Variants in FBXW7 observed in about 807,000 individuals in gnomAD.
FBXW7 encodes the protein F-box and WD repeat domain containing 7.
Under a neutral mutation model 86.3 loss-of-function variants are expected in FBXW7, and 11 were observed. That is an observed-to-expected ratio of 0.13 (90% CI 0.08 to 0.21). The LOEUF (loss-of-function observed/expected upper bound fraction) is 0.21, where lower values mean the gene tolerates loss of function less well. Ranked by LOEUF, FBXW7 falls within the 10% of genes least tolerant of loss-of-function variation. The pLI is 1.00. For missense variants in FBXW7, 488 were observed against 847.4 expected (o/e 0.58, Z 5.27); for synonymous variants, 313 against 297.9 (o/e 1.05, Z -0.52).
chr4:152,507,166 A>T (rs760590889), intron 2 of FBXW7, among the ~76,000 whole-genome samples: 1 of 152,226 alleles, frequency 6.6e-6, no homozygotes, highest in Non-Finnish European at 1.5e-5. Flanking sequence ...GACACTGAAA[A>T]GCCTAATCAA....
chr4:152,514,649 T>C (rs1268084514), intron 2 of FBXW7, among the ~76,000 whole-genome samples: 1 of 152,100 alleles, frequency 6.6e-6, no homozygotes, highest in Non-Finnish European at 1.5e-5. Context: ...TGAGAACTGA[T>C]AAAAAGAGCT....
intron 4 of FBXW7, among the ~76,000 whole-genome samples, chr4:152,383,300 C>T (rs947446022): frequency 3.9e-5 from 6 of 152,056 alleles, no homozygotes; most frequent in African/African-American, 1.4e-4. Flanking sequence ...CTTCCTAAAA[C>T]ACAGAGAGGG....
At chr4:152,340,706 A>G (rs1319017654) in intron 6 of FBXW7, among the ~76,000 whole-genome samples, 2 of 152,114 alleles carry the variant, frequency 1.3e-5, no homozygotes, top group Non-Finnish European at 2.9e-5. Flanking sequence ...TGGTGATTCT[A>G]AACAAAGATC....
intron 2 of FBXW7, among the ~76,000 whole-genome samples, chr4:152,429,966 TTTGTTG>T (rs138677761): frequency 6.8e-4 from 103 of 152,220 alleles, no homozygotes; most frequent in African/African-American, 2.2e-3. Flanking sequence ...ATTTTATGGC[TTTGTTG>T]TTGTTGTTGT....
chr4:152,486,546 C>A (rs915829532), intron 2 of FBXW7, among the ~76,000 whole-genome samples: 13 of 152,122 alleles, frequency 8.5e-5, no homozygotes, highest in African/African-American at 2.9e-4. Flanking sequence ...TACACAGGGT[C>A]AGGATCATCA....
At chr4:152,528,432 G>A (rs1287083256) in intron 2 of FBXW7, among the ~76,000 whole-genome samples, 1 of 152,152 alleles carries the variant, frequency 6.6e-6, no homozygotes, top group Non-Finnish European at 1.5e-5. Context: ...AATACAAGAC[G>A]AACACTGGCT....
chr4:152,430,121 GA>G (rs2126945723), intron 2 of FBXW7, among the ~76,000 whole-genome samples: 1 of 152,288 alleles, frequency 6.6e-6, no homozygotes, highest in African/African-American at 2.4e-5. Flanking sequence ...CAACAAATCT[GA>G]AATCAGTGCT....
chr4:152,463,550 A>G (rs918198699), intron 2 of FBXW7, among the ~76,000 whole-genome samples: 2 of 152,214 alleles, frequency 1.3e-5, no homozygotes, highest in African/African-American at 4.8e-5. Context: ...ATAGGTGGAC[A>G]GTTAAAACCA....
intron 2 of FBXW7, among the ~76,000 whole-genome samples, chr4:152,477,402 T>C (rs75409796): frequency 0.014 from 2,080 of 152,262 alleles, 26 homozygotes; most frequent in Middle Eastern, 0.037. Flanking sequence ...CCTCATTGAA[T>C]ACGTATTTTA....
chr4:152,371,854 T>A (rs1734033492), intron 4 of FBXW7, among the ~76,000 whole-genome samples: 1 of 152,016 alleles, frequency 6.6e-6, no homozygotes. Flanking sequence ...TATGTGACCA[T>A]GAAATGTGGA....
chr4:152,432,045 A>T (rs539083936), intron 2 of FBXW7, among the ~76,000 whole-genome samples: 2 of 152,312 alleles, frequency 1.3e-5, no homozygotes, highest in South Asian at 4.1e-4. Flanking sequence ...CTGGTTCTGT[A>T]GTCATTGGCT....
At chr4:152,362,653 C>T (rs1367933816) in intron 4 of FBXW7, among the ~76,000 whole-genome samples, 14 of 151,728 alleles carry the variant, frequency 9.2e-5, no homozygotes, top group African/African-American at 3.1e-4. Context: ...GGTGAAACCC[C>T]GTCTCCACTG....
intron 2 of FBXW7, among the ~76,000 whole-genome samples, chr4:152,443,955 T>C (rs1432788857): frequency 1.3e-5 from 2 of 152,238 alleles, no homozygotes; most frequent in South Asian, 2.1e-4. Flanking sequence ...TTATCCATAA[T>C]ATCATCATCC....
At position 152,328,297 on chromosome 4, in the gene FBXW7, G is replaced by C. The variant is rs1260118313; in HGVS notation, c.1329C>G (p.Leu443=). Residue 443 remains leucine, a synonymous_variant, in exon 11 of 14, where the codon CTC becomes CTG. Coordinates refer to ENST00000281708, the MANE Select transcript of FBXW7 (RefSeq NM_001349798.2). Reference sequence around the variant, plus strand: ...CTCCAGTCTCTGCATTCCACACTTTGAGTGTCCGATCTGTAGATCCACTAA... The same window carrying C: ...CTCCAGTCTCTGCATTCCACACTTTCAGTGTCCGATCTGTAGATCCACTAA... ...IIISGSTDRT[L]KVWNAETGEC... 1 of 1,600,308 alleles carries C rather than the reference G, an allele frequency of 6.2e-7. No individual in the cohort carries two copies. The highest frequency in any genetic ancestry group is 8.5e-7 in the Non-Finnish European group (1 of 1,174,180).
chr4:152,376,970 A>C (rs1286687724), intron 4 of FBXW7, among the ~76,000 whole-genome samples: 1 of 152,224 alleles, frequency 6.6e-6, no homozygotes, highest in Non-Finnish European at 1.5e-5. Context: ...GATTACACAA[A>C]AAATTTTAAA....
chr4:152,350,045 G>T lies in FBXW7; in HGVS notation c.581C>A (p.Thr194Lys). The T allele has an allele frequency of 6.6e-7, 1 of 1,511,670 alleles. No homozygotes were observed. Among genetic ancestry groups the T allele is most frequent in the Non-Finnish European group, 9.0e-7 (1 of 1,109,768 alleles). The allele number at this position is 1,511,670 out of a possible 1,614,324, so 93.6% of individuals were successfully genotyped here. The change falls in exon 5 of 14, where the codon ACA (threonine) becomes AAA (lysine). Residue 194 changes from threonine to lysine, a missense_variant. Around this residue, in one of 4 missense-constraint regions of FBXW7, gnomAD observed 230 missense variants for 240.0 expected, o/e 0.96. Transcript: ENST00000281708. The stretch of plus-strand genomic sequence containing the variant: ...TAATCATTATATTTAATATTACCTT[G>T]TATATTCTGAGACTTTGCATGGTTT... ...GKKPCKVSEY[T>K]STTGLVPCSA...
At chr4:152,409,906 C>T (rs1180603645) in intron 4 of FBXW7, among the ~76,000 whole-genome samples, 1 of 152,020 alleles carries the variant, frequency 6.6e-6, no homozygotes, top group Admixed American at 6.6e-5. Context: ...AAAAAACTAA[C>T]AAATTCAGTA....
At chr4:152,465,575 T>C (rs1488491001) in intron 2 of FBXW7, among the ~76,000 whole-genome samples, 2 of 152,064 alleles carry the variant, frequency 1.3e-5, no homozygotes, top group East Asian at 3.9e-4. Flanking sequence ...CCAGGCGCGG[T>C]GGCTCATGCC....
rs1748819015 is a variant in FBXW7 at position 152,519,554 on chromosome 4, T to C, written c.-120+15387A>G. ...TAATCTTAGACAGATTTTGCCTAGA[T>C]AAATTTATTCTACTGCTAACATATC... On this transcript the variant is annotated intron_variant, in intron 2 of 13. Coordinates refer to ENST00000281708, the MANE Select transcript of FBXW7 (RefSeq NM_001349798.2). Among the ~76,000 whole-genome samples, 2 of 152,216 alleles carry C rather than the reference T, an allele frequency of 1.3e-5. 1 individual carries two copies. Among genetic ancestry groups the C allele is most frequent in the African/African-American group, 4.8e-5 (2 of 41,450 alleles).
Sources: gnomAD v4.1 joint callset for allele counts (sites outside exome capture counted in the v4.1 genomes callset) on GRCh38, gnomAD v4.1.1 for gene constraint, gnomAD v4.1.1 regional missense constraint, MANE v1.5 for transcripts, NCBI Gene and HGNC (gene_info 2026-07-23, HGNC 2026-07-21) for gene names.